The following IL1RAPL2 variants were observed in gnomAD, a reference collection of about 807,000 sequenced individuals.
IL1RAPL2 encodes interleukin 1 receptor accessory protein like 2.
IL1RAPL2 carries 3 observed loss-of-function variants against 44.1 expected under a neutral mutation model. The observed-to-expected ratio is 0.07, with a 90% confidence interval of 0.03 to 0.18. IL1RAPL2 has a LOEUF of 0.18. Among genes scored for constraint, IL1RAPL2 ranks in the 10% least tolerant of loss-of-function variants. The pLI is 1.00. For synonymous variants in IL1RAPL2, 181 were observed against 178.8 expected (o/e 1.01, Z -0.10); for missense variants, 391 against 496.4 (o/e 0.79, Z 2.02).
intron 6 of IL1RAPL2, among the ~76,000 whole-genome samples, chrX:105,547,019 A>G (rs1348911761): frequency 8.9e-6 from 1 of 112,017 alleles, no homozygotes; most frequent in Non-Finnish European, 1.9e-5. Flanking sequence ...CGTGCACAAT[A>G]ATAAAACAAT....
rs761120164 is a variant in IL1RAPL2 at position 105,003,891 on chromosome X, G to A, written c.83-191584G>A. Among the ~76,000 whole-genome samples, 24 of 111,235 alleles carry A rather than the reference G, an allele frequency of 2.2e-4. No individual in the cohort carries two copies. The South Asian group carries it at 3.0e-3, about 14-fold the overall frequency. On this transcript the variant is annotated intron_variant, in intron 2 of 10. Transcript: ENST00000372582. ...CATTAAAGTAGCTAATGTTTATTGC[G>A]TGCTTGCTATGTGCCAGACATCATT...
chrX:104,725,843 A>C (rs2147567374), intron 2 of IL1RAPL2, among the ~76,000 whole-genome samples: 1 of 111,182 alleles, frequency 9.0e-6, no homozygotes, highest in African/African-American at 3.3e-5. Context: ...TTGCCTGTTC[A>C]CTCTGATGAT....
At chrX:105,282,539 G>C (rs1434774776) in intron 5 of IL1RAPL2, among the ~76,000 whole-genome samples, 2 of 111,528 alleles carry the variant, frequency 1.8e-5, no homozygotes, top group African/African-American at 6.5e-5. Context: ...AAGAAGATTG[G>C]TTCCTTTCTG....
chrX:105,619,497 G>A (rs927218622), intron 6 of IL1RAPL2, among the ~76,000 whole-genome samples: 1 of 111,549 alleles, frequency 9.0e-6, no homozygotes, highest in Non-Finnish European at 1.9e-5. Flanking sequence ...TAATCCTTAT[G>A]CAAAAGAGGC....
chrX:105,166,654 G>A (rs1035504096), intron 2 of IL1RAPL2, among the ~76,000 whole-genome samples: 1 of 112,514 alleles, frequency 8.9e-6, no homozygotes, highest in African/African-American at 3.2e-5. Flanking sequence ...AATAAACGGT[G>A]AAAAGTCTTC....
chrX:105,255,687 TAC>T (rs964244083), intron 4 of IL1RAPL2, among the ~76,000 whole-genome samples: 5 of 112,018 alleles, frequency 4.5e-5, no homozygotes, highest in African/African-American at 1.6e-4. Context: ...CTTCCAATAC[TAC>T]ATTGAATAGG....
At chrX:104,968,979 C>CTGTGTGTGTG (rs35842489) in intron 2 of IL1RAPL2, among the ~76,000 whole-genome samples, 1,205 of 82,004 alleles carry the variant, frequency 0.015, 33 homozygotes, top group African/African-American at 0.045. Context: ...TTGCCTTTTG[C>CTGTGTGTGTG]TGTGTGTGTG....
intron 5 of IL1RAPL2, among the ~76,000 whole-genome samples, chrX:105,290,380 G>C (rs1390895336): frequency 9.0e-6 from 1 of 111,283 alleles, no homozygotes. Flanking sequence ...CTTGGGTGTA[G>C]GTAGGAGGTG....
intron 3 of IL1RAPL2, among the ~76,000 whole-genome samples, chrX:105,218,077 C>G (rs1336755607): frequency 9.0e-6 from 1 of 110,767 alleles, no homozygotes; most frequent in African/African-American, 3.3e-5. Context: ...CAAACCTACA[C>G]GTTCTGCACA....
At chrX:104,664,138 C>A (rs140659852) in intron 2 of IL1RAPL2, among the ~76,000 whole-genome samples, 3,026 of 110,982 alleles carry the variant, frequency 0.027, 122 homozygotes, top group African/African-American at 0.094. Context: ...TAGCTGGATG[C>A]CCAGATGTTA....
At chrX:105,039,691 G>T (rs1487554939) in intron 2 of IL1RAPL2, among the ~76,000 whole-genome samples, 1 of 110,588 alleles carries the variant, frequency 9.0e-6, no homozygotes, top group African/African-American at 3.3e-5. Context: ...ATCTGTTATC[G>T]GTGTATAAGA....
chrX:104,582,210 A>G (rs1471256396), intron 1 of IL1RAPL2, among the ~76,000 whole-genome samples: 2 of 112,110 alleles, frequency 1.8e-5, no homozygotes, highest in Non-Finnish European at 3.8e-5. Flanking sequence ...ACCAGCTACT[A>G]TGGTTTGTTA....
At chrX:105,264,215 C>T (rs2147654300) in intron 4 of IL1RAPL2, among the ~76,000 whole-genome samples, 1 of 110,785 alleles carries the variant, frequency 9.0e-6, no homozygotes, top group East Asian at 2.9e-4. Flanking sequence ...TTATAAGGGG[C>T]TTCTCCTTTT....
At chrX:105,083,668 A>C in intron 2 of IL1RAPL2, among the ~76,000 whole-genome samples, 1 of 112,324 alleles carries the variant, frequency 8.9e-6, no homozygotes, top group Non-Finnish European at 1.9e-5. Context: ...AATATTCAAC[A>C]TTCTTAAAGA....
intron 2 of IL1RAPL2, among the ~76,000 whole-genome samples, chrX:105,153,156 T>C (rs1005955382): frequency 8.9e-6 from 1 of 112,432 alleles, no homozygotes; most frequent in Non-Finnish European, 1.9e-5. Flanking sequence ...CTTTGAATAG[T>C]TCTTCCAACT....
chrX:105,282,845 T>C (rs756090091), intron 5 of IL1RAPL2, among the ~76,000 whole-genome samples: 165 of 111,793 alleles, frequency 1.5e-3, no homozygotes, highest in Non-Finnish European at 2.7e-3. Context: ...AACTGTAGCA[T>C]AATAGTTGAA....
intron 6 of IL1RAPL2, among the ~76,000 whole-genome samples, chrX:105,676,417 G>A (rs1569464512): frequency 9.0e-6 from 1 of 111,444 alleles, no homozygotes. Flanking sequence ...GAGCTTTTCA[G>A]TCTCCCTAGG....
intron 6 of IL1RAPL2, among the ~76,000 whole-genome samples, chrX:105,577,734 A>AC (rs1385531469): frequency 1.8e-5 from 2 of 110,080 alleles, no homozygotes; most frequent in African/African-American, 6.6e-5. Context: ...CCCCTTACTT[A>AC]CCACACTTTG....
chrX:105,035,658 C>A (rs1163984244), intron 2 of IL1RAPL2, among the ~76,000 whole-genome samples: 2 of 112,249 alleles, frequency 1.8e-5, no homozygotes, highest in African/African-American at 6.5e-5. Context: ...TTCATTAAAA[C>A]AAATAATCCA....
Sources: allele counts gnomAD v4.1 joint callset (sites outside exome capture counted in the v4.1 genomes callset), GRCh38; gene constraint gnomAD v4.1.1; transcripts MANE v1.5; gene names NCBI Gene and HGNC (gene_info 2026-07-23, HGNC 2026-07-21).